The following ARHGAP15 variants were observed in gnomAD, a reference collection of about 807,000 sequenced individuals.
ARHGAP15 encodes the protein rho GTPase-activating protein 15.
A neutral mutation model predicts 63.7 loss-of-function variants in ARHGAP15; 51 were observed. The observed-to-expected ratio is 0.80, with a 90% CI of 0.64 to 1.01. The LOEUF (loss-of-function observed/expected upper bound fraction) is 1.01, where lower values mean the gene tolerates loss of function less well. ARHGAP15 is among the 50% of genes least tolerant of loss of function. The pLI, the probability that ARHGAP15 is intolerant of heterozygous loss-of-function variation, is 0.00. For missense variants in ARHGAP15, 560 were observed against 564.6 expected, an observed-to-expected ratio of 0.99 and a Z score of 0.08; for synonymous variants, 191 against 193.8, an observed-to-expected ratio of 0.99 and a Z score of 0.12.
chr2:143,397,053 C>T (rs1436182102), intron 6 of ARHGAP15, among the ~76,000 whole-genome samples: 1 of 152,002 alleles, frequency 6.6e-6, no homozygotes, highest in Non-Finnish European at 1.5e-5. Flanking sequence ...ACATTATTTC[C>T]TAATTTTTCA....
chr2:143,760,200 T>C (rs1686712818), intron 13 of ARHGAP15, among the ~76,000 whole-genome samples: 1 of 152,214 alleles, frequency 6.6e-6, no homozygotes, highest in Non-Finnish European at 1.5e-5. Flanking sequence ...TTTATTATAC[T>C]CTTCTAAACT....
chr2:143,679,642 G>C (rs988484115), intron 12 of ARHGAP15, among the ~76,000 whole-genome samples: 8 of 66,378 alleles, frequency 1.2e-4, no homozygotes, highest in Admixed American at 2.3e-4. Flanking sequence ...TGAATGAGGG[G>C]GTGCGTGTGT....
chr2:143,728,659 T>C (rs1273235697), intron 13 of ARHGAP15, among the ~76,000 whole-genome samples: 2 of 152,192 alleles, frequency 1.3e-5, no homozygotes, highest in Non-Finnish European at 2.9e-5. Context: ...AGCATGACTC[T>C]TCTCATACCT....
intron 1 of ARHGAP15, among the ~76,000 whole-genome samples, chr2:143,149,092 G>T (rs963758659): frequency 6.6e-5 from 10 of 151,978 alleles, no homozygotes; most frequent in African/African-American, 2.4e-4. Flanking sequence ...CCAGGGGATA[G>T]AAATGAATTT....
At chr2:143,356,911 C>CA (rs1306525824) in intron 6 of ARHGAP15, among the ~76,000 whole-genome samples, 1 of 152,194 alleles carries the variant, frequency 6.6e-6, no homozygotes, top group Non-Finnish European at 1.5e-5. Flanking sequence ...CTACCCCTGA[C>CA]ACGCCATCCG....
chr2:143,221,913 G>A (rs1160910892), intron 4 of ARHGAP15, among the ~76,000 whole-genome samples: 1 of 152,192 alleles, frequency 6.6e-6, no homozygotes, highest in Non-Finnish European at 1.5e-5. Context: ...GCCTTCGGTT[G>A]GGTTTTTGTT....
At chr2:143,654,846 A>C (rs1171015058) in intron 12 of ARHGAP15, among the ~76,000 whole-genome samples, 1 of 152,226 alleles carries the variant, frequency 6.6e-6, no homozygotes, top group East Asian at 1.9e-4. Flanking sequence ...AAGTTAAAAT[A>C]TGACCTGAGA....
intron 12 of ARHGAP15, among the ~76,000 whole-genome samples, chr2:143,636,291 C>G (rs1412627809): frequency 6.6e-6 from 1 of 152,134 alleles, no homozygotes; most frequent in African/African-American, 2.4e-5. Flanking sequence ...TATTCTTTGA[C>G]ACCTTGTGTG....
chr2:143,666,852 AAT>A (rs1438029038), intron 12 of ARHGAP15, among the ~76,000 whole-genome samples: 1 of 149,504 alleles, frequency 6.7e-6, no homozygotes, highest in African/African-American at 2.6e-5. Flanking sequence ...GAGAAATGCA[AAT>A]CTAAACCGCA....
rs186842110 is a variant in ARHGAP15 at position 143,365,259 on chromosome 2, C to T, written c.475-70342C>T. On this transcript the variant is annotated intron_variant, in intron 6 of 13. Transcript: ENST00000295095. ...TCTGTTTTCATCTTTGGCTTCTCTT[C>T]TCCAGTCCTAAGGAGTAAAATAAAT... 1.4e-3 allele frequency among the ~76,000 whole-genome samples: 213 copies of T among 152,276 alleles called. 1 individual carries two copies. The Middle Eastern group carries it at 0.024, about 17-fold the overall frequency.
At chr2:143,222,762 A>G (rs1693049758) in intron 4 of ARHGAP15, among the ~76,000 whole-genome samples, 1 of 151,020 alleles carries the variant, frequency 6.6e-6, no homozygotes, top group Admixed American at 6.6e-5. Flanking sequence ...TTTTTTTTGC[A>G]TTTTTCCAAC....
intron 8 of ARHGAP15, 122 bp downstream of exon 8, chr2:143,437,164 T>C: frequency 8.4e-7 from 1 of 1,189,772 alleles, no homozygotes; most frequent in Non-Finnish European, 1.2e-6. Context: ...TCGTAGCCAT[T>C]TCCTGGCCAG....
At chr2:143,759,312 G>A (rs1574934810) in intron 13 of ARHGAP15, among the ~76,000 whole-genome samples, 1 of 152,168 alleles carries the variant, frequency 6.6e-6, no homozygotes, top group East Asian at 1.9e-4. Flanking sequence ...CTTATACCAC[G>A]AAAGCATATG....
chr2:143,311,287 T>C (rs1348250501), intron 6 of ARHGAP15, among the ~76,000 whole-genome samples: 8 of 82,330 alleles, frequency 9.7e-5, no homozygotes, highest in African/African-American at 3.0e-4. Context: ...TTCCCCTCCC[T>C]TTTTTTTTTT....
At chr2:143,482,821 T>C (rs976783415) in intron 8 of ARHGAP15, among the ~76,000 whole-genome samples, 2 of 152,258 alleles carry the variant, frequency 1.3e-5, no homozygotes, top group African/African-American at 4.8e-5. Context: ...ATTTGGTTAA[T>C]AAAAAGTATG....
chr2:143,556,382 T>C (rs1158775002), intron 10 of ARHGAP15, 26 bp from the exon 11 acceptor site: 1 of 1,558,898 alleles, frequency 6.4e-7, no homozygotes, highest in Non-Finnish European at 8.8e-7. Flanking sequence ...TATGTGCTAA[T>C]ATAAAATATG....
At chr2:143,716,557 GA>G (rs950891960) in intron 13 of ARHGAP15, among the ~76,000 whole-genome samples, 23 of 149,202 alleles carry the variant, frequency 1.5e-4, no homozygotes, top group South Asian at 4.2e-4. Context: ...ATCAGCTGAA[GA>G]AAAAAAAAAT....
At chr2:143,384,905 T>C (rs1400601102) in intron 6 of ARHGAP15, among the ~76,000 whole-genome samples, 1 of 152,186 alleles carries the variant, frequency 6.6e-6, no homozygotes, top group Non-Finnish European at 1.5e-5. Flanking sequence ...AGAAAAAAAC[T>C]TTTCCCCTAA....
intron 10 of ARHGAP15, 111 bp from the exon 11 acceptor site, chr2:143,556,297 G>T (rs1488026870): frequency 6.3e-6 from 5 of 791,596 alleles, no homozygotes; most frequent in South Asian, 4.3e-5. Flanking sequence ...ACACAAATTG[G>T]TTTTATCTGA....
Sources: gnomAD v4.1 joint callset for allele counts (sites outside exome capture counted in the v4.1 genomes callset) on GRCh38, gnomAD v4.1.1 for gene constraint, MANE v1.5 for transcripts, NCBI Gene and HGNC (gene_info 2026-07-23, HGNC 2026-07-21) for gene names.